Variants in TMEM132D observed in about 807,000 individuals in gnomAD.
The protein encoded by TMEM132D is mature OL transmembrane protein.
In TMEM132D, 21 loss-of-function variants were observed where a neutral mutation model predicts 62.3. The observed-to-expected ratio is 0.34, with a 90% CI of 0.24 to 0.49. TMEM132D has a LOEUF of 0.49. Ranked by LOEUF, TMEM132D falls within the 20% of genes least tolerant of loss-of-function variation. The pLI is 0.99. For missense variants in TMEM132D, 1,346 were observed against 1,402.8 expected, an observed-to-expected ratio of 0.96 and a Z score of 0.65; for synonymous variants, 621 against 575.6, an observed-to-expected ratio of 1.08 and a Z score of -1.13.
In TMEM132D at chr12:129,107,531, G is replaced by A. The variant is rs146101614; in HGVS notation, c.1444-22829C>T. Among the ~76,000 whole-genome samples, 363 of 152,262 alleles carry A rather than the reference G, an allele frequency of 2.4e-3. 6 individuals are homozygous for A. The highest frequency in any genetic ancestry group is 4.2e-3 in the Admixed American group (64 of 15,296). On this transcript the variant is annotated intron_variant, in intron 5 of 8. Coordinates refer to ENST00000422113, the MANE Select transcript of TMEM132D (RefSeq NM_133448.3). ...CTGCTGAAGACATTTTCCAGTGTGG[G>A]GAAGAACTCTCTATAAAGTTATAAC...
intron 1 of TMEM132D, among the ~76,000 whole-genome samples, chr12:129,714,879 C>A (rs547953598): frequency 1.3e-5 from 2 of 152,252 alleles, no homozygotes; most frequent in South Asian, 4.1e-4. Flanking sequence ...CCCATTGAGA[C>A]AAAGTCTAGT....
intron 1 of TMEM132D, among the ~76,000 whole-genome samples, chr12:129,741,816 C>T (rs1334693219): frequency 3.3e-5 from 5 of 152,198 alleles, no homozygotes; most frequent in Non-Finnish European, 5.9e-5. Flanking sequence ...TGAGGACAGT[C>T]TTCAAGGTGC....
intron 3 of TMEM132D, among the ~76,000 whole-genome samples, chr12:129,378,931 T>C (rs1870858942): frequency 6.6e-6 from 1 of 152,204 alleles, no homozygotes; most frequent in South Asian, 2.1e-4. Context: ...TCAACCACAA[T>C]GTGCCTGCGG....
intron 5 of TMEM132D, among the ~76,000 whole-genome samples, chr12:129,103,880 G>T (rs1046379094): frequency 3.3e-5 from 5 of 152,048 alleles, no homozygotes; most frequent in Non-Finnish European, 5.9e-5. Context: ...CACTGCTCAA[G>T]GAAATAAAAG....
chr12:129,116,117 A>T (rs1331149354), intron 5 of TMEM132D, among the ~76,000 whole-genome samples: 1 of 152,140 alleles, frequency 6.6e-6, no homozygotes, highest in Non-Finnish European at 1.5e-5. Flanking sequence ...GGAAGACCTT[A>T]CCCAGAGAAG....
intron 3 of TMEM132D, among the ~76,000 whole-genome samples, chr12:129,359,263 C>T (rs1404551602): frequency 2.0e-5 from 3 of 151,724 alleles, no homozygotes; most frequent in Non-Finnish European, 4.4e-5. Flanking sequence ...GGGGCTGGGC[C>T]GGGGGACAAT....
At chr12:129,565,164 C>T (rs2137115812) in intron 2 of TMEM132D, among the ~76,000 whole-genome samples, 1 of 152,344 alleles carries the variant, frequency 6.6e-6, no homozygotes, top group East Asian at 1.9e-4. Flanking sequence ...AGGAGCAACA[C>T]TGCCATCAGA....
intron 1 of TMEM132D, among the ~76,000 whole-genome samples, chr12:129,851,977 C>A (rs1322084979): frequency 6.6e-6 from 1 of 152,180 alleles, no homozygotes; most frequent in Non-Finnish European, 1.5e-5. Context: ...TTTAAACTCA[C>A]AAAACATACA....
At chr12:129,164,711 T>C (rs888306720) in intron 5 of TMEM132D, among the ~76,000 whole-genome samples, 5 of 151,986 alleles carry the variant, frequency 3.3e-5, no homozygotes, top group African/African-American at 1.2e-4. Context: ...TATAAAACCA[T>C]CAGATCTCAT....
intron 4 of TMEM132D, among the ~76,000 whole-genome samples, chr12:129,327,898 G>A (rs752058028): frequency 6.6e-6 from 1 of 152,144 alleles, no homozygotes; most frequent in African/African-American, 2.4e-5. Context: ...ATGCCTGATG[G>A]GGTCTCTAGT....
chr12:129,551,241 C>T (rs1446828007), intron 2 of TMEM132D, among the ~76,000 whole-genome samples: 1 of 152,216 alleles, frequency 6.6e-6, no homozygotes, highest in Non-Finnish European at 1.5e-5. Flanking sequence ...CCACGGAATC[C>T]AGGAGCATAA....
At chr12:129,479,417 G>T (rs1032704363) in intron 3 of TMEM132D, among the ~76,000 whole-genome samples, 5 of 152,218 alleles carry the variant, frequency 3.3e-5, no homozygotes, top group African/African-American at 1.2e-4. Flanking sequence ...GAATTTCTTG[G>T]TGGGGGGAAT....
At chr12:129,442,828 G>A (rs1872979543) in intron 3 of TMEM132D, among the ~76,000 whole-genome samples, 1 of 152,134 alleles carries the variant, frequency 6.6e-6, no homozygotes, top group South Asian at 2.1e-4. Flanking sequence ...CGCCTTATGT[G>A]TATTCATCTT....
At chr12:129,488,064 T>G (rs57765026) in intron 3 of TMEM132D, among the ~76,000 whole-genome samples, 1,964 of 151,528 alleles carry the variant, frequency 0.013, 46 homozygotes, top group African/African-American at 0.044. Context: ...GGACATGGTG[T>G]CCTCAGCACA....
At chr12:129,590,212 C>T (rs1878150385) in intron 2 of TMEM132D, among the ~76,000 whole-genome samples, 1 of 152,152 alleles carries the variant, frequency 6.6e-6, no homozygotes, top group Admixed American at 6.5e-5. Context: ...TCTCCAGGTG[C>T]CGTCTCATTT....
At chr12:129,697,465 G>A (rs756741430) in intron 2 of TMEM132D, among the ~76,000 whole-genome samples, 1 of 152,170 alleles carries the variant, frequency 6.6e-6, no homozygotes, top group Non-Finnish European at 1.5e-5. Context: ...TAATCAGAGC[G>A]TTTTAAGTAT....
At chr12:129,331,290 G>A (rs1213531289) in intron 4 of TMEM132D, among the ~76,000 whole-genome samples, 1 of 152,178 alleles carries the variant, frequency 6.6e-6, no homozygotes, top group Non-Finnish European at 1.5e-5. Context: ...GATCTTCAGG[G>A]CTGGGTTTGG....
intron 3 of TMEM132D, among the ~76,000 whole-genome samples, chr12:129,422,846 T>A (rs1872369065): frequency 1.3e-5 from 2 of 149,028 alleles, no homozygotes; most frequent in Non-Finnish European, 1.5e-5. Flanking sequence ...AGAGAAAGAA[T>A]TCAATCTTTC....
At chr12:129,188,629 C>A (rs899770149) in intron 5 of TMEM132D, among the ~76,000 whole-genome samples, 2 of 151,684 alleles carry the variant, frequency 1.3e-5, no homozygotes, top group African/African-American at 4.9e-5. Flanking sequence ...AGCTGTCAGG[C>A]ACAGGTGTGT....
Sources: gnomAD v4.1 joint callset for allele counts (sites outside exome capture counted in the v4.1 genomes callset) on GRCh38, gnomAD v4.1.1 for gene constraint, MANE v1.5 for transcripts, NCBI Gene and HGNC (gene_info 2026-07-23, HGNC 2026-07-21) for gene names.